The following HEMK2 variants were observed in gnomAD, a reference collection of about 807,000 sequenced individuals.
HEMK2 encodes the protein methyltransferase HEMK2.
At chr21:28,615,408 C>T in the HEMK2 span, among the ~76,000 whole-genome samples, 1 of 151,194 alleles carries the variant, frequency 6.6e-6, no homozygotes, top group Admixed American at 6.6e-5. Flanking sequence ...CTGTCTCTCT[C>T]TCTCTCTCTC....
the HEMK2 span, among the ~76,000 whole-genome samples, chr21:28,731,488 G>A: frequency 6.6e-6 from 1 of 151,854 alleles, no homozygotes; most frequent in Non-Finnish European, 1.5e-5. Flanking sequence ...GTCCTTAGAT[G>A]TCCCCTAAAT....
At chr21:28,729,229 G>A in the HEMK2 span, among the ~76,000 whole-genome samples, 1 of 152,152 alleles carries the variant, frequency 6.6e-6, no homozygotes, top group Non-Finnish European at 1.5e-5. Context: ...TTTAGTTGCT[G>A]CTTAAGCCCC....
the HEMK2 span, among the ~76,000 whole-genome samples, chr21:28,794,213 T>A: frequency 6.6e-6 from 1 of 152,196 alleles, no homozygotes; most frequent in South Asian, 2.1e-4. Flanking sequence ...ATCAACAGCA[T>A]AAATACTTCA....
At chr21:28,604,564 T>C in the HEMK2 span, among the ~76,000 whole-genome samples, 1 of 152,288 alleles carries the variant, frequency 6.6e-6, no homozygotes, top group African/African-American at 2.4e-5. Context: ...AAGATAGAAA[T>C]GTCTATTTTA....
At chr21:28,749,724 A>G in the HEMK2 span, among the ~76,000 whole-genome samples, 1 of 152,242 alleles carries the variant, frequency 6.6e-6, no homozygotes, top group Non-Finnish European at 1.5e-5. Context: ...GAGCAGGATG[A>G]GCACTGCAAT....
the HEMK2 span, among the ~76,000 whole-genome samples, chr21:28,721,986 A>C: frequency 6.6e-6 from 1 of 151,920 alleles, no homozygotes; most frequent in Non-Finnish European, 1.5e-5. Flanking sequence ...AAAATTACTT[A>C]TCAGTAAATA....
the HEMK2 span, among the ~76,000 whole-genome samples, chr21:28,603,555 G>GTT: frequency 8.5e-6 from 1 of 117,418 alleles, no homozygotes; most frequent in South Asian, 2.4e-4. Context: ...ATATATGTGT[G>GTT]TGTGTGTGTG....
At chr21:28,783,700 T>C in the HEMK2 span, among the ~76,000 whole-genome samples, 1 of 152,136 alleles carries the variant, frequency 6.6e-6, no homozygotes, top group Non-Finnish European at 1.5e-5. Flanking sequence ...TGGGAGCCCC[T>C]CTCTGGGCTA....
chr21:28,733,579 A>G, the HEMK2 span, among the ~76,000 whole-genome samples: 1 of 151,944 alleles, frequency 6.6e-6, no homozygotes, highest in Admixed American at 6.5e-5. Context: ...CCCACACCTT[A>G]CATTTTGCTC....
the HEMK2 span, among the ~76,000 whole-genome samples, chr21:28,851,037 G>C: frequency 6.6e-6 from 1 of 152,160 alleles, no homozygotes; most frequent in Middle Eastern, 3.2e-3. Flanking sequence ...CCTATGGCTA[G>C]ATGGGTCAGA....
chr21:28,882,978 T>C, the HEMK2 span: 5 of 1,556,252 alleles, frequency 3.2e-6, no homozygotes, highest in African/African-American at 2.7e-5. Flanking sequence ...GAATATGATA[T>C]ACTTACATGT....
the HEMK2 span, among the ~76,000 whole-genome samples, chr21:28,698,990 T>C: frequency 6.6e-6 from 1 of 152,230 alleles, no homozygotes; most frequent in African/African-American, 2.4e-5. Flanking sequence ...CTTTATAAGA[T>C]CAACCAAAAT....
the HEMK2 span, among the ~76,000 whole-genome samples, chr21:28,752,063 T>C: frequency 6.6e-6 from 1 of 152,188 alleles, no homozygotes; most frequent in South Asian, 2.1e-4. Flanking sequence ...CTAAAAACAA[T>C]TGGATTAGTC....
At chr21:28,598,495 T>A in the HEMK2 span, among the ~76,000 whole-genome samples, 13 of 152,300 alleles carry the variant, frequency 8.5e-5, no homozygotes, top group Non-Finnish European at 1.5e-4. Flanking sequence ...CTTGGAAGAA[T>A]TAAGCACAAC....
At chr21:28,837,074 T>C in the HEMK2 span, among the ~76,000 whole-genome samples, 1 of 152,120 alleles carries the variant, frequency 6.6e-6, no homozygotes, top group Non-Finnish European at 1.5e-5. Context: ...AGAAATGAGA[T>C]AGACAGCAAC....
At chr21:28,862,242 ACCCAGAC>A in the HEMK2 span, among the ~76,000 whole-genome samples, 3 of 152,216 alleles carry the variant, frequency 2.0e-5, no homozygotes, top group African/African-American at 7.2e-5. Context: ...ACTACAAATG[ACCCAGAC>A]CCTTCAGGAA....
the HEMK2 span, among the ~76,000 whole-genome samples, chr21:28,692,218 A>G: frequency 1.3e-5 from 2 of 152,224 alleles, no homozygotes; most frequent in African/African-American, 4.8e-5. Flanking sequence ...TGCATTATAA[A>G]TTTATTTCAG....
the HEMK2 span, among the ~76,000 whole-genome samples, chr21:28,788,532 C>T: frequency 2.2e-3 from 327 of 151,996 alleles, 1 homozygote; most frequent in African/African-American, 7.5e-3. Context: ...AGGGAAAAAT[C>T]GGAGAGGGGC....
At chr21:28,648,567 TG>T in the HEMK2 span, among the ~76,000 whole-genome samples, 2 of 152,112 alleles carry the variant, frequency 1.3e-5, no homozygotes, top group Non-Finnish European at 2.9e-5. Flanking sequence ...TAAATTAAGT[TG>T]ATGAGTCAAA....
Sources: gnomAD v4.1 joint callset for allele counts (sites outside exome capture counted in the v4.1 genomes callset) on GRCh38, gnomAD v4.1.1 for gene constraint, MANE v1.5 for transcripts, NCBI Gene and HGNC (gene_info 2026-07-23, HGNC 2026-07-21) for gene names.